DSCAM: variants seen among roughly 807,000 people sequenced by gnomAD.
The protein encoded by DSCAM is cell adhesion molecule DSCAM.
Under a neutral mutation model 217.7 loss-of-function variants are expected in DSCAM, and 47 were observed. That is an observed-to-expected ratio of 0.22 (90% confidence interval 0.17 to 0.28). The LOEUF (loss-of-function observed/expected upper bound fraction) is 0.28, where lower values mean the gene tolerates loss of function less well. Ranked by LOEUF, DSCAM falls within the 10% of genes least tolerant of loss-of-function variation. DSCAM has a pLI of 1.00. For synonymous variants in DSCAM, 1,056 were observed against 1,015.3 expected, an observed-to-expected ratio of 1.04 and a Z score of -0.76; for missense variants, 2,080 against 2,618.3, an observed-to-expected ratio of 0.79 and a Z score of 4.49.
chr21:40,470,735 G>C (rs1216850889), intron 3 of DSCAM, among the ~76,000 whole-genome samples: 1 of 152,136 alleles, frequency 6.6e-6, no homozygotes, highest in African/African-American at 2.4e-5. Context: ...TGTATTTTTT[G>C]TAGAGAGAGG....
chr21:40,383,896 G>C (rs372897636), intron 3 of DSCAM: 25 of 152,296 alleles, frequency 1.6e-4, no homozygotes, highest in African/African-American at 5.8e-4. Flanking sequence ...CATAAAGATA[G>C]TTCATGAATG....
At chr21:40,462,090 A>AT (rs1467823563) in intron 3 of DSCAM, among the ~76,000 whole-genome samples, 1 of 152,242 alleles carries the variant, frequency 6.6e-6, no homozygotes, top group African/African-American at 2.4e-5. Context: ...CCACAGGAAG[A>AT]TAAGGAGGCA....
chr21:40,242,544 T>C (rs1185194792), intron 11 of DSCAM, among the ~76,000 whole-genome samples: 4 of 152,254 alleles, frequency 2.6e-5, no homozygotes, highest in Non-Finnish European at 5.9e-5. Context: ...AAGTACTACA[T>C]GAGCTTCCAG....
chr21:40,039,300 A>T (rs1168511422), intron 32 of DSCAM, among the ~76,000 whole-genome samples: 1 of 145,908 alleles, frequency 6.9e-6, no homozygotes, highest in Non-Finnish European at 1.5e-5. Context: ...ATGCAGATGA[A>T]ATAAAAATCA....
intron 4 of DSCAM, among the ~76,000 whole-genome samples, chr21:40,364,688 G>A (rs1040328977): frequency 2.9e-5 from 2 of 68,292 alleles, no homozygotes; most frequent in Non-Finnish European, 6.1e-5. Context: ...TTAAAAAAAA[G>A]TGTATATATA....
intron 27 of DSCAM, 77 bp from the exon 28 acceptor site, chr21:40,062,976 T>C: frequency 7.5e-7 from 1 of 1,334,042 alleles, no homozygotes; most frequent in Non-Finnish European, 1.0e-6. Context: ...ACAAATACTC[T>C]ACAGTCAGAT....
At chr21:40,054,969 T>C (rs2088990257) in intron 29 of DSCAM, among the ~76,000 whole-genome samples, 1 of 152,242 alleles carries the variant, frequency 6.6e-6, no homozygotes, top group South Asian at 2.1e-4. Flanking sequence ...GAATTCTCAA[T>C]ACATGTTAGC....
At chr21:40,752,104 G>T (rs982313163) in intron 1 of DSCAM, among the ~76,000 whole-genome samples, 6 of 152,170 alleles carry the variant, frequency 3.9e-5, no homozygotes, top group Admixed American at 1.3e-4. Flanking sequence ...CTTTTCTTTT[G>T]CACTCCTGAC....
chr21:40,093,793 A>G lies in DSCAM; in HGVS notation c.3778T>C (p.Trp1260Arg), dbSNP rs754821644. Residue 1260 changes from tryptophan (W) to arginine (R), a missense_variant, in exon 21 of 33, where the codon TGG (tryptophan) becomes CGG (arginine). By Grantham distance (101) the Trp-to-Arg change is moderately radical. Coordinates refer to ENST00000400454, the MANE Select transcript of DSCAM (RefSeq NM_001389.5). ...NLSRNRQYSV[W>R]VVAVTSAGRG... ...CCGGCTGAAGTAACAGCCACCACCC[A>G]GACGCTGTACTGACGATTCCTACTC... 6.2e-7 allele frequency: 1 copy of G among 1,614,090 alleles called. No individual in the cohort carries two copies. The highest frequency in any genetic ancestry group is 8.5e-7 in the Non-Finnish European group (1 of 1,180,008).
intron 3 of DSCAM, among the ~76,000 whole-genome samples, chr21:40,561,331 A>G (rs778971995): frequency 3.3e-5 from 5 of 152,222 alleles, no homozygotes; most frequent in African/African-American, 7.2e-5. Flanking sequence ...TTCAGGGTAC[A>G]TGAATCCTTT....
chr21:40,025,873 C>T (rs774255744), intron 32 of DSCAM, among the ~76,000 whole-genome samples: 9 of 150,494 alleles, frequency 6.0e-5, no homozygotes, highest in Non-Finnish European at 1.0e-4. Context: ...CTATTTGCTT[C>T]GGTTCTACTC....
intron 1 of DSCAM, among the ~76,000 whole-genome samples, chr21:40,736,266 G>A (rs1407892420): frequency 6.6e-6 from 1 of 152,084 alleles, no homozygotes; most frequent in East Asian, 1.9e-4. Context: ...CTCCTCTGAA[G>A]CCCATCATTT....
intron 21 of DSCAM, among the ~76,000 whole-genome samples, chr21:40,089,873 G>A (rs1199010948): frequency 1.4e-5 from 2 of 145,244 alleles, no homozygotes; most frequent in Non-Finnish European, 3.1e-5. Context: ...GAACATTTCT[G>A]GAAAAAAAAT....
intron 3 of DSCAM, among the ~76,000 whole-genome samples, chr21:40,616,724 A>G (rs1174468294): frequency 1.3e-5 from 2 of 152,168 alleles, no homozygotes; most frequent in Non-Finnish European, 2.9e-5. Context: ...ACGGAACTTA[A>G]GAATGGTTAT....
In DSCAM at chr21:40,012,972, A is replaced by T; in HGVS notation, c.*62T>A. ...ATAAATATTGGAATTCCGTAAAAAA[A>T]AGGTAGCTTTGATTGAATTGTTTGA... On this transcript the variant is annotated 3_prime_UTR_variant, in exon 33 of 33. Transcript: ENST00000400454. 1 of 1,207,818 alleles carries T rather than the reference A, an allele frequency of 8.3e-7. No individual in the cohort carries two copies. Among genetic ancestry groups the T allele is most frequent in the Non-Finnish European group, 1.1e-6 (1 of 924,188 alleles). 74.8% of individuals were successfully genotyped at this position (1,207,818 alleles called of 1,614,324 possible).
chr21:40,599,503 A>C (rs1383316768), intron 3 of DSCAM, among the ~76,000 whole-genome samples: 2 of 152,190 alleles, frequency 1.3e-5, no homozygotes, highest in Non-Finnish European at 2.9e-5. Flanking sequence ...CACATCAGAA[A>C]GCCAGAAAGA....
chr21:40,552,727 G>A (rs2076640227), intron 3 of DSCAM, among the ~76,000 whole-genome samples: 1 of 152,106 alleles, frequency 6.6e-6, no homozygotes, highest in South Asian at 2.1e-4. Context: ...TTCTTATCTA[G>A]ATGAATTAGC....
At chr21:40,067,331 C>T (rs973162601) in intron 27 of DSCAM, among the ~76,000 whole-genome samples, 3 of 152,208 alleles carry the variant, frequency 2.0e-5, no homozygotes, top group Admixed American at 6.5e-5. Context: ...CATTTTCTAA[C>T]ACCTCTAATT....
intron 15 of DSCAM, among the ~76,000 whole-genome samples, chr21:40,169,158 C>T (rs569165900): frequency 1.3e-5 from 2 of 152,126 alleles, no homozygotes; most frequent in South Asian, 4.2e-4. Flanking sequence ...ACAAATACCT[C>T]TGGGATGGGA....
Sources: gnomAD v4.1 joint callset for allele counts (sites outside exome capture counted in the v4.1 genomes callset) on GRCh38, gnomAD v4.1.1 for gene constraint, MANE v1.5 for transcripts, NCBI Gene and HGNC (gene_info 2026-07-23, HGNC 2026-07-21) for gene names.